The following ITSN2 variants were observed in gnomAD, a reference collection of about 807,000 sequenced individuals.
ITSN2 encodes intersectin 2, also known as intersectin-2.
Under a neutral mutation model 243.7 loss-of-function variants are expected in ITSN2, and 156 were observed. The ratio of observed to expected loss-of-function variants is 0.64; its 90% CI spans 0.56 to 0.73. The LOEUF (loss-of-function observed/expected upper bound fraction) is 0.73. Ranked by LOEUF, ITSN2 falls within the 30% of genes least tolerant of loss-of-function variation. The pLI is 0.00. For missense variants in ITSN2, 1,801 were observed against 1,996.1 expected (o/e 0.90, Z 1.86); for synonymous variants, 703 against 699.9 (o/e 1.00, Z -0.07).
At chr2:24,341,684 C>T (rs190732519) in intron 1 of ITSN2, among the ~76,000 whole-genome samples, 1 of 152,154 alleles carries the variant, frequency 6.6e-6, no homozygotes, top group Non-Finnish European at 1.5e-5. Context: ...ACCGGTCTCA[C>T]GGTCAACATG....
At chr2:24,320,285 C>G (rs970573106) in intron 2 of ITSN2, among the ~76,000 whole-genome samples, 1 of 150,462 alleles carries the variant, frequency 6.6e-6, no homozygotes, top group East Asian at 2.0e-4. Flanking sequence ...TTTGGGAGGC[C>G]GAGGAGGGTG....
rs72855406 is a variant in ITSN2, at chr2:24,249,198, C to T, written c.3121-316G>A. On this transcript the variant is annotated intron_variant, in intron 25 of 39. Coordinates refer to ENST00000355123, the MANE Select transcript of ITSN2 (RefSeq NM_006277.3). This position sits in a 1 kb window ranked among gnomAD's most constrained non-coding sequence, Gnocchi z 4.4. ...TCCAGGCCAAATGCACTCCATTTATCAATGGCGTTAGCACCAATGCCCACT... is the reference window on the plus strand; with the variant it reads ...TCCAGGCCAAATGCACTCCATTTATTAATGGCGTTAGCACCAATGCCCACT... Among the ~76,000 whole-genome samples, 833 of 152,284 alleles carry T rather than the reference C, an allele frequency of 5.5e-3. 10 individuals carry two copies. Among genetic ancestry groups the T allele is most frequent in the African/African-American group, 0.019 (797 of 41,550 alleles).
intron 8 of ITSN2, among the ~76,000 whole-genome samples, chr2:24,305,264 A>T (rs1023941136): frequency 1.2e-4 from 18 of 152,154 alleles, no homozygotes; most frequent in African/African-American, 4.1e-4. Flanking sequence ...ATAAATTTTT[A>T]AAAACTATGT....
At chr2:24,355,299 T>C (rs1425404143) in intron 1 of ITSN2, among the ~76,000 whole-genome samples, 1 of 152,214 alleles carries the variant, frequency 6.6e-6, no homozygotes. Flanking sequence ...ATAAACATTC[T>C]TATTTTTCTA....
chr2:24,217,155 A>G (rs1670042665), intron 31 of ITSN2, among the ~76,000 whole-genome samples: 1 of 151,804 alleles, frequency 6.6e-6, no homozygotes, highest in Admixed American at 6.6e-5. Context: ...AGGCTGAGGC[A>G]GGAGAATGGT....
At chr2:24,312,853 G>A (rs777860119) in intron 4 of ITSN2, among the ~76,000 whole-genome samples, 37 of 152,144 alleles carry the variant, frequency 2.4e-4, no homozygotes, top group Non-Finnish European at 4.0e-4. Context: ...CAGGGGAAGC[G>A]AGGACTAATT....
At chr2:24,334,913 A>G (rs1686184239) in intron 1 of ITSN2, 6 of 436,758 alleles carry the variant, frequency 1.4e-5, no homozygotes, top group South Asian at 1.2e-4. Context: ...AATACAAAAA[A>G]TTAGCCGGGC....
intron 23 of ITSN2, among the ~76,000 whole-genome samples, chr2:24,256,572 T>C (rs1675083516): frequency 6.6e-6 from 1 of 152,168 alleles, no homozygotes; most frequent in Non-Finnish European, 1.5e-5. Flanking sequence ...ATTCGACAAC[T>C]TGACTCCCTA....
At chr2:24,237,422 C>T (rs1558464532) in intron 29 of ITSN2, among the ~76,000 whole-genome samples, 1 of 6,520 alleles carries the variant, frequency 1.5e-4, no homozygotes. Flanking sequence ...TGCTGATCTT[C>T]TAGGAGGTCT....
intron 2 of ITSN2, among the ~76,000 whole-genome samples, chr2:24,319,888 G>A (rs1393377746): frequency 6.6e-6 from 1 of 152,202 alleles, no homozygotes; most frequent in African/African-American, 2.4e-5. Flanking sequence ...TGTACATGAA[G>A]AGATCTTCAA....
In ITSN2 at chr2:24,208,313, G is replaced by C. The variant is rs1669121667; in HGVS notation, c.4602C>G (p.Ala1534=). Reference sequence around the variant, plus strand: ...ACGCCGCCTTGATCTTCTGCACCCAGGCGGTCCTACGGGAGAAGCAGGGGC... The same window carrying C: ...ACGCCGCCTTGATCTTCTGCACCCACGCGGTCCTACGGGAGAAGCAGGGGC... ...LRTDNINERT[A]WVQKIKAASE... Residue 1534 remains alanine (A), a synonymous_variant, in exon 37 of 40, where the codon GCC becomes GCG. Transcript: ENST00000355123. The C allele has an allele frequency of 1.2e-6, 2 of 1,612,102 alleles. No homozygotes were observed. Among genetic ancestry groups the C allele is most frequent in the Non-Finnish European group, 8.5e-7 (1 of 1,179,774 alleles).
intron 1 of ITSN2, chr2:24,335,241 C>T (rs1686239163): frequency 6.5e-6 from 1 of 154,586 alleles, no homozygotes; most frequent in Non-Finnish European, 1.4e-5. Context: ...AGTCCAAAAC[C>T]CTCAATTTTC....
At chr2:24,240,444 T>TA (rs1672593947) in intron 29 of ITSN2, 1 of 152,156 alleles carries the variant, frequency 6.6e-6, no homozygotes, top group Non-Finnish European at 1.5e-5. Flanking sequence ...GGTGGTCTAG[T>TA]AACTAGAAAT....
chr2:24,350,620 C>A (rs1687935514), intron 1 of ITSN2, among the ~76,000 whole-genome samples: 1 of 152,108 alleles, frequency 6.6e-6, no homozygotes, highest in African/African-American at 2.4e-5. Context: ...AAACAATAAA[C>A]AAAATGTGGT....
intron 3 of ITSN2, 91 bp downstream of exon 3, chr2:24,315,041 A>G: frequency 1.8e-6 from 1 of 541,276 alleles, no homozygotes; most frequent in East Asian, 3.0e-5. Flanking sequence ...TCGTTTATTA[A>G]CACAAATTTG....
chr2:24,221,224 G>C, intron 29 of ITSN2, 158 bp from the exon 30 acceptor site: 1 of 689,268 alleles, frequency 1.5e-6, no homozygotes, highest in Non-Finnish European at 2.3e-6. Flanking sequence ...GCATGCGTAC[G>C]CGGAGAGTTG....
intron 1 of ITSN2, chr2:24,330,771 CT>C (rs903037107): frequency 0.19 from 66,838 of 355,928 alleles, 10 homozygotes; most frequent in South Asian, 0.29. Flanking sequence ...TTTCATTTTA[CT>C]TTTTTTTTTT....
chr2:24,360,589 C>G (rs932434676), upstream of ITSN2: 2 of 152,274 alleles, frequency 1.3e-5, no homozygotes, highest in African/African-American at 4.8e-5. Context: ...GCTGACGGCC[C>G]GCCCGCTGCC....
In ITSN2 at chr2:24,261,198, A is replaced by G; in HGVS notation, c.2590T>C (p.Phe864Leu). 1 of 1,613,468 alleles carries G rather than the reference A, an allele frequency of 6.2e-7. No homozygotes were observed. ...GATGTATTTACAGTTAGGTTTGAAAAAGATACATTTTGATAATCAGTCACT... is the reference window on the plus strand; with the variant it reads ...GATGTATTTACAGTTAGGTTTGAAAGAGATACATTTTGATAATCAGTCACT... ...ASVTDYQNVS[F>L]SNLTVNTSWQ... The change falls in exon 22 of 40, where the codon TTT becomes CTT. Residue 864 changes from phenylalanine (F) to leucine (L), a missense_variant. By Grantham distance (22) the Phe-to-Leu change is conservative. Coordinates refer to ENST00000355123, the MANE Select transcript of ITSN2 (RefSeq NM_006277.3).
Sources: gnomAD v4.1 joint callset for allele counts (sites outside exome capture counted in the v4.1 genomes callset) on GRCh38, gnomAD v4.1.1 for gene constraint, Gnocchi (gnomAD v3.1) non-coding constraint, MANE v1.5 for transcripts, NCBI Gene and HGNC (gene_info 2026-07-23, HGNC 2026-07-21) for gene names.